Variants in NUBPL observed in about 807,000 individuals in gnomAD.
The protein encoded by NUBPL is NUBP iron-sulfur cluster assembly factor, mitochondrial, also known as iron-sulfur cluster transfer protein NUBPL.
Under a neutral mutation model 45.7 loss-of-function variants are expected in NUBPL, and 31 were observed. The ratio of observed to expected loss-of-function variants is 0.68; its 90% confidence interval spans 0.51 to 0.92. The LOEUF (loss-of-function observed/expected upper bound fraction) is 0.92, where lower values mean the gene tolerates loss of function less well. Among genes scored for constraint, NUBPL ranks in the 40% least tolerant of loss-of-function variants. The pLI is 0.00. For missense variants in NUBPL, 401 were observed against 398.7 expected (o/e 1.01, Z -0.05); for synonymous variants, 144 against 140.9 (o/e 1.02, Z -0.15).
intron 8 of NUBPL, among the ~76,000 whole-genome samples, chr14:31,833,139 A>G (rs2040219945): frequency 1.3e-5 from 2 of 152,126 alleles, no homozygotes; most frequent in Admixed American, 6.6e-5. Context: ...AGGCCGAGGC[A>G]GGAGTACTGC....
Position 31,752,593 on chromosome 14 carries a change from A to G in NUBPL, c.514-35187A>G, listed in dbSNP as rs181558845. 2.0e-5 allele frequency among the ~76,000 whole-genome samples: 3 copies of G among 152,318 alleles called. No individual in the cohort carries two copies. In the East Asian group the frequency reaches 5.8e-4, roughly 29 times the overall value. On this transcript the variant is annotated intron_variant, in intron 6 of 10. Transcript: ENST00000281081. ...TACTATCAGCATTTTGGTCAAAACC[A>G]TTCAACAAGTCTCTAAGATATTCCA...
intron 3 of NUBPL, among the ~76,000 whole-genome samples, chr14:31,587,355 A>G (rs1595325095): frequency 6.6e-6 from 1 of 152,334 alleles, no homozygotes; most frequent in East Asian, 1.9e-4. Context: ...CTAAATGTGT[A>G]GGAATAATAA....
intron 3 of NUBPL, among the ~76,000 whole-genome samples, chr14:31,597,142 C>T (rs1394038757): frequency 2.6e-5 from 4 of 151,938 alleles, no homozygotes; most frequent in Non-Finnish European, 5.9e-5. Context: ...ATTTTCCTCC[C>T]TTTGTTTCCT....
chr14:31,673,401 A>C lies in NUBPL; in HGVS notation c.422+7A>C. On this transcript the variant is annotated splice_region_variant and intron_variant, in intron 5 of 10. Coordinates refer to ENST00000281081, the MANE Select transcript of NUBPL (RefSeq NM_025152.3). ...TGAATTATGGTATTGCTTGGTGAGC[A>C]TATATATATTTTTAATGTTACTTTT... The C allele has an allele frequency of 6.2e-7, 1 of 1,607,244 alleles. No individual in the cohort carries two copies. The highest frequency in any genetic ancestry group is 1.7e-5 in the Admixed American group (1 of 59,882).
chr14:31,836,907 TA>T (rs2040289974), intron 8 of NUBPL, among the ~76,000 whole-genome samples: 2 of 152,212 alleles, frequency 1.3e-5, no homozygotes, highest in African/African-American at 4.8e-5. Flanking sequence ...GTTATGTATA[TA>T]ACTGTTGTAT....
At chr14:31,685,582 T>C (rs978243475) in intron 6 of NUBPL, among the ~76,000 whole-genome samples, 6 of 151,902 alleles carry the variant, frequency 3.9e-5, no homozygotes, top group East Asian at 1.9e-4. Context: ...GTGAAAATTA[T>C]AGAAAATGAG....
intron 8 of NUBPL, among the ~76,000 whole-genome samples, chr14:31,835,385 A>G (rs557863054): frequency 7.4e-4 from 113 of 152,264 alleles, no homozygotes; most frequent in African/African-American, 2.6e-3. Flanking sequence ...TGGCTTTGTC[A>G]TTTACTAACT....
intron 4 of NUBPL, among the ~76,000 whole-genome samples, chr14:31,613,758 A>G (rs1426144773): frequency 6.6e-6 from 1 of 151,788 alleles, no homozygotes; most frequent in Non-Finnish European, 1.5e-5. Flanking sequence ...GCCCGGCCTA[A>G]TTGGATTGTT....
At chr14:31,694,066 A>G (rs2037160058) in intron 6 of NUBPL, among the ~76,000 whole-genome samples, 1 of 152,020 alleles carries the variant, frequency 6.6e-6, no homozygotes, top group South Asian at 2.1e-4. Context: ...CGTGTTAGCC[A>G]GGGTGGTCTT....
chr14:31,707,606 C>A (rs1292754930), intron 6 of NUBPL, among the ~76,000 whole-genome samples: 2 of 152,162 alleles, frequency 1.3e-5, no homozygotes, highest in South Asian at 2.1e-4. Context: ...ACCCTTGCAA[C>A]TGTTTTAATG....
chr14:31,826,733 A>G lies in NUBPL; in HGVS notation c.693+19A>G, dbSNP rs181711804. 532 of 1,605,908 alleles carry G rather than the reference A, an allele frequency of 3.3e-4. 1 individual carries two copies. In the African/African-American group the frequency reaches 6.1e-3, roughly 19 times the overall value. ...CGTGCCCGTAAGCGTTTACAGCTTC[A>G]CTGTGAAAAATATAAAACTCTTCTA... On this transcript the variant is annotated intron_variant, in intron 8 of 10. Coordinates refer to ENST00000281081, the MANE Select transcript of NUBPL (RefSeq NM_025152.3).
intron 6 of NUBPL, among the ~76,000 whole-genome samples, chr14:31,707,425 CTCTCTCTT>C (rs779162154): frequency 3.3e-5 from 5 of 152,182 alleles, no homozygotes; most frequent in Non-Finnish European, 5.9e-5. Flanking sequence ...TCTCCTTTGT[CTCTCTCTT>C]TCTCTCTTTC....
Position 31,700,839 on chromosome 14 carries a change from C to T in NUBPL, c.513+27265C>T, listed in dbSNP as rs187474923. Among the ~76,000 whole-genome samples the T allele has an allele frequency of 1.5e-3, 228 of 152,282 alleles. 1 individual carries two copies. The highest frequency in any genetic ancestry group is 0.014 in the Middle Eastern group (4 of 294). ...GCCCCAGCCCCCTCCCCCCCACCAC[C>T]GTGGGTTCCCTCACGGCCTGAGCCT... On this transcript the variant is annotated intron_variant, in intron 6 of 10. Coordinates refer to ENST00000281081, the MANE Select transcript of NUBPL (RefSeq NM_025152.3).
At chr14:31,711,143 C>A (rs1236947717) in intron 6 of NUBPL, among the ~76,000 whole-genome samples, 1 of 152,182 alleles carries the variant, frequency 6.6e-6, no homozygotes, top group Non-Finnish European at 1.5e-5. Flanking sequence ...GGGTTCCGCT[C>A]ATGGCCACAG....
intron 7 of NUBPL, among the ~76,000 whole-genome samples, chr14:31,811,404 T>G (rs2039802187): frequency 6.6e-6 from 1 of 152,186 alleles, no homozygotes; most frequent in Admixed American, 6.6e-5. Flanking sequence ...TTCCACTTGA[T>G]CGAATCGGCT....
chr14:31,809,614 C>G (rs928735018), intron 7 of NUBPL, among the ~76,000 whole-genome samples: 3 of 152,102 alleles, frequency 2.0e-5, no homozygotes, highest in Non-Finnish European at 4.4e-5. Flanking sequence ...GTCTCTATTT[C>G]CTTCAGTTCT....
chr14:31,722,682 C>T (rs754445160), intron 6 of NUBPL, among the ~76,000 whole-genome samples: 1 of 152,124 alleles, frequency 6.6e-6, no homozygotes, highest in African/African-American at 2.4e-5. Context: ...ATTTCTCTAA[C>T]GATCAGTGAT....
intron 6 of NUBPL, among the ~76,000 whole-genome samples, chr14:31,760,374 A>G (rs1395843418): frequency 6.6e-6 from 1 of 151,722 alleles, no homozygotes; most frequent in Non-Finnish European, 1.5e-5. Flanking sequence ...TCTGGTGTCA[A>G]ACTCCTGGGC....
At chr14:31,828,544 G>T (rs767974626) in intron 8 of NUBPL, among the ~76,000 whole-genome samples, 4 of 152,092 alleles carry the variant, frequency 2.6e-5, no homozygotes, top group African/African-American at 4.8e-5. Flanking sequence ...CCAAAAACAT[G>T]AATTCCTTGA....
Sources: gnomAD v4.1 joint callset for allele counts (sites outside exome capture counted in the v4.1 genomes callset) on GRCh38, gnomAD v4.1.1 for gene constraint, MANE v1.5 for transcripts, NCBI Gene and HGNC (gene_info 2026-07-23, HGNC 2026-07-21) for gene names.